Variants in HECTD4 observed in about 807,000 individuals in gnomAD.
HECTD4 encodes the protein HECT domain E3 ubiquitin protein ligase 4.
A neutral mutation model predicts 471.5 loss-of-function variants in HECTD4; 114 were observed. That is an observed-to-expected ratio of 0.24 (90% CI 0.21 to 0.28). HECTD4 has a LOEUF of 0.28. HECTD4 is among the 10% of genes least tolerant of loss of function. HECTD4 has a pLI of 1.00. For synonymous variants in HECTD4, 2,012 were observed against 2,256.0 expected, an observed-to-expected ratio of 0.89 and a Z score of 3.07; for missense variants, 3,866 against 5,651.5, an observed-to-expected ratio of 0.68 and a Z score of 10.13.
Position 112,161,391 on chromosome 12 carries a change from T to C in HECTD4, c.*996A>G. ...CTCCATCTGGACTTGAGTGTCTGGG[T>C]CACTAAAGCAGACCCCAAATTGAGC... On this transcript the variant is annotated 3_prime_UTR_variant, in exon 76 of 76. Coordinates refer to ENST00000682272, the MANE Select transcript of HECTD4 (RefSeq NM_001388303.1). The C allele has an allele frequency of 6.6e-6, 1 of 152,248 alleles. No homozygotes were observed. The highest frequency in any genetic ancestry group is 1.5e-5 in the Non-Finnish European group (1 of 68,044). 9.4% of individuals were successfully genotyped at this position (152,248 alleles called of 1,614,324 possible).
intron 20 of HECTD4, chr12:112,256,755 G>C (rs2135595486): frequency 3.3e-6 from 1 of 305,486 alleles, no homozygotes; most frequent in African/African-American, 2.2e-5. Context: ...CCTTTTTCCA[G>C]GACAAGAAGC....
intron 12 of HECTD4, 111 bp downstream of exon 12, chr12:112,270,116 C>T: frequency 1.1e-6 from 1 of 920,656 alleles, no homozygotes; most frequent in Admixed American, 2.4e-5. Flanking sequence ...TGGTAAGATG[C>T]AGAACAGGAA....
chr12:112,231,752 C>A (rs1162279751), intron 38 of HECTD4, 37 bp from the exon 39 acceptor site: 3 of 1,525,504 alleles, frequency 2.0e-6, no homozygotes, highest in Admixed American at 1.8e-5. Flanking sequence ...AGATTCATTT[C>A]AGTCTTCCCA....
At chr12:112,210,669 C>A (rs1054623077) in intron 49 of HECTD4, among the ~76,000 whole-genome samples, 4 of 152,188 alleles carry the variant, frequency 2.6e-5, no homozygotes, top group Non-Finnish European at 4.4e-5. Context: ...TTAAGAGATA[C>A]AAGATCAGAT....
At chr12:112,295,501 ATT>A (rs542721726) in intron 7 of HECTD4, among the ~76,000 whole-genome samples, 20 of 132,930 alleles carry the variant, frequency 1.5e-4, no homozygotes, top group Non-Finnish European at 1.5e-4. Flanking sequence ...GCTAATATTA[ATT>A]TTTTTTTTTT....
chr12:112,323,642 G>A (rs1378935560), intron 1 of HECTD4, among the ~76,000 whole-genome samples: 3 of 152,044 alleles, frequency 2.0e-5, no homozygotes, highest in African/African-American at 7.2e-5. Flanking sequence ...ATGGTTACCG[G>A]GGTTTAGGGG....
At chr12:112,303,006 T>C (rs2035196830) in intron 7 of HECTD4, among the ~76,000 whole-genome samples, 1 of 149,690 alleles carries the variant, frequency 6.7e-6, no homozygotes, top group East Asian at 2.0e-4. Flanking sequence ...TTTTAACAGT[T>C]CAGCACTAAT....
intron 4 of HECTD4, among the ~76,000 whole-genome samples, chr12:112,312,092 A>G (rs2035385636): frequency 6.6e-6 from 1 of 152,166 alleles, no homozygotes; most frequent in Admixed American, 6.5e-5. Flanking sequence ...AGGCTGCCCC[A>G]TGGAAAGTGG....
At chr12:112,244,104 G>C (rs1175086434) in intron 29 of HECTD4, 95 bp from the exon 30 acceptor site, 11 of 1,302,246 alleles carry the variant, frequency 8.4e-6, no homozygotes, top group Non-Finnish European at 1.2e-5. Flanking sequence ...GTGTATCTTT[G>C]CTTTCTATCA....
chr12:112,163,248 T>G lies in HECTD4; in HGVS notation c.12914A>C (p.Gln4305Pro). 1 of 1,613,424 alleles carries G rather than the reference T, an allele frequency of 6.2e-7. No individual in the cohort carries two copies. The highest frequency in any genetic ancestry group is 8.5e-7 in the Non-Finnish European group (1 of 1,179,512). Residue 4305 changes from glutamine to proline, a missense_variant, in exon 75 of 76, where the codon CAA (glutamine) becomes CCA (proline). Physicochemically the swap from Gln to Pro is moderately conservative, Grantham distance 76 (BLOSUM62 -1). This residue lies in a region of HECTD4 where 715 missense variants were observed against 1,087.6 expected (regional missense o/e 0.66). Coordinates refer to ENST00000682272, the MANE Select transcript of HECTD4 (RefSeq NM_001388303.1). The surrounding 1 kb of genome is among the most constrained non-coding windows in gnomAD (Gnocchi z 8.2). ...LEFLKAHTMY[Q>P]VGLMETDQHI... ...CTGGTCCGTCTCCATCAGCCCCACTTGGTACATGGTGTGGGCCTGGGGAGG... is the reference window on the plus strand; with the variant it reads ...CTGGTCCGTCTCCATCAGCCCCACTGGGTACATGGTGTGGGCCTGGGGAGG...
rs952829587 is a variant in HECTD4, at chr12:112,308,733, T to C, written c.1164+20A>G. 29 of 1,521,834 alleles carry C rather than the reference T, an allele frequency of 1.9e-5. No homozygotes were observed. The African/African-American group carries it at 3.6e-4, about 19-fold the overall frequency. The allele number at this position is 1,521,834 out of a possible 1,614,324, so 94.3% of individuals were successfully genotyped here. A position where few individuals can be genotyped will look rare whatever the true frequency, so the allele number is the denominator to read the frequency against. On this transcript the variant is annotated intron_variant, in intron 6 of 75. Coordinates refer to ENST00000682272, the MANE Select transcript of HECTD4 (RefSeq NM_001388303.1). ...TTGCCTCTAAAATATGTTTTAAAAA[T>C]GCCTTGGTTTTCTGTTTACCTGAAG...
At chr12:112,358,977 C>A (rs1345668019) in intron 1 of HECTD4, among the ~76,000 whole-genome samples, 2 of 152,122 alleles carry the variant, frequency 1.3e-5, no homozygotes, top group African/African-American at 2.4e-5. Context: ...AGATCAAGAC[C>A]ATCCTGGCTA....
In HECTD4 at chr12:112,381,860, A is replaced by C; in HGVS notation, c.177+92T>G. On this transcript the variant is annotated intron_variant, in intron 1 of 75. Transcript: ENST00000682272. This position sits in a 1 kb window ranked among gnomAD's most constrained non-coding sequence, Gnocchi z 4.1. ...CTGCCCCGGCAGCCGCCGGGAGGCG[A>C]GGCCGCGGCTGAGGCGAGGAGGGGG... is the stretch of plus-strand genomic sequence containing the variant. 1 of 935,206 alleles carries C rather than the reference A, an allele frequency of 1.1e-6. No individual in the cohort carries two copies. Among genetic ancestry groups the C allele is most frequent in the Non-Finnish European group, 1.4e-6 (1 of 723,644 alleles). The allele number at this position is 935,206 out of a possible 1,614,324, so 57.9% of individuals were successfully genotyped here.
intron 55 of HECTD4, among the ~76,000 whole-genome samples, chr12:112,200,394 T>A (rs957267609): frequency 7.9e-5 from 12 of 152,164 alleles, no homozygotes; most frequent in African/African-American, 2.4e-4. Context: ...CCTCAAGTGA[T>A]CTGCCCACCT....
chr12:112,283,992 T>C (rs1200585402), intron 7 of HECTD4, among the ~76,000 whole-genome samples: 1 of 151,546 alleles, frequency 6.6e-6, no homozygotes, highest in African/African-American at 2.4e-5. Context: ...CCTGGCTTTC[T>C]GTATTGCTAA....
intron 11 of HECTD4, among the ~76,000 whole-genome samples, chr12:112,273,337 GCAAATAATCC>G (rs2135625327): frequency 1.3e-5 from 2 of 152,192 alleles, no homozygotes; most frequent in South Asian, 4.1e-4. Context: ...CATTACAACA[GCAAATAATCC>G]CATGCCAAAT....
intron 13 of HECTD4, among the ~76,000 whole-genome samples, chr12:112,268,937 C>T (rs1385793580): frequency 1.6e-5 from 2 of 124,640 alleles, no homozygotes; most frequent in African/African-American, 6.3e-5. Context: ...TGCAGTGGCG[C>T]GATCTCGACT....
chr12:112,230,467 T>C (rs940992203), intron 40 of HECTD4, among the ~76,000 whole-genome samples: 1 of 152,242 alleles, frequency 6.6e-6, no homozygotes, highest in Non-Finnish European at 1.5e-5. Flanking sequence ...CTGAGAATAC[T>C]GTCCTATCGT....
At chr12:112,320,527 A>G (rs1043274017) in intron 1 of HECTD4, among the ~76,000 whole-genome samples, 4 of 151,718 alleles carry the variant, frequency 2.6e-5, no homozygotes, top group African/African-American at 9.7e-5. Context: ...GTGAAACACC[A>G]TCTCTACTAA....
Sources: allele counts gnomAD v4.1 joint callset (sites outside exome capture counted in the v4.1 genomes callset), GRCh38; gene constraint gnomAD v4.1.1; regional missense constraint gnomAD v4.1.1; non-coding constraint Gnocchi (gnomAD v3.1); transcripts MANE v1.5; gene names NCBI Gene and HGNC (gene_info 2026-07-23, HGNC 2026-07-21).